MECR: variants seen among roughly 807,000 people sequenced by gnomAD.
The protein encoded by MECR is mitochondrial trans-2-enoyl-CoA reductase, also known as enoyl-[acyl-carrier-protein] reductase, mitochondrial.
MECR carries 37 observed loss-of-function variants against 49.1 expected under a neutral mutation model. The ratio of observed to expected loss-of-function variants is 0.75; its 90% CI spans 0.58 to 0.99. MECR has a LOEUF of 0.99. Among genes scored for constraint, MECR ranks in the 50% least tolerant of loss-of-function variants. The pLI, the probability that MECR is intolerant of heterozygous loss-of-function variation, is 0.00. For synonymous variants in MECR, 198 were observed against 191.1 expected, an observed-to-expected ratio of 1.04 and a Z score of -0.30; for missense variants, 470 against 479.6, an observed-to-expected ratio of 0.98 and a Z score of 0.19.
At chr1:29,180,345 T>C in the MECR span, among the ~76,000 whole-genome samples, 4 of 152,246 alleles carry the variant, frequency 2.6e-5, no homozygotes, top group Non-Finnish European at 4.4e-5. Flanking sequence ...CGTTTTACTG[T>C]AGAAAAGGAG....
At chr1:29,215,405 C>A (rs1679126218) in intron 3 of MECR, among the ~76,000 whole-genome samples, 1 of 152,036 alleles carries the variant, frequency 6.6e-6, no homozygotes. Context: ...TGATAAAACC[C>A]CCTCTTTACT....
chr1:29,198,933 A>G (rs1487304588), intron 7 of MECR, among the ~76,000 whole-genome samples: 2 of 151,602 alleles, frequency 1.3e-5, no homozygotes, highest in Non-Finnish European at 2.9e-5. Context: ...TCATTGTTTA[A>G]AAGTATAAAA....
At chr1:29,211,707 GCC>G (rs869191166) in intron 3 of MECR, among the ~76,000 whole-genome samples, 1 of 76,976 alleles carries the variant, frequency 1.3e-5, no homozygotes, top group Non-Finnish European at 4.0e-5. Flanking sequence ...AAGAGAACTT[GCC>G]CCCTGATTCC....
At chr1:29,175,161 C>A in the MECR span, among the ~76,000 whole-genome samples, 1 of 152,054 alleles carries the variant, frequency 6.6e-6, no homozygotes, top group Admixed American at 6.6e-5. Flanking sequence ...GTGGCTCACG[C>A]CTGTAATCCC....
downstream of MECR, among the ~76,000 whole-genome samples, chr1:29,190,733 G>A (rs746342931): frequency 2.7e-5 from 4 of 150,908 alleles, no homozygotes; most frequent in Admixed American, 1.3e-4. Context: ...AAATTGCAGT[G>A]AGCCGAGATT....
At chr1:29,206,521 G>C (rs1264673056) in intron 4 of MECR, among the ~76,000 whole-genome samples, 1 of 152,192 alleles carries the variant, frequency 6.6e-6, no homozygotes, top group African/African-American at 2.4e-5. Flanking sequence ...TCAATCCCAA[G>C]CTCTAGAGAA....
intron 1 of MECR, chr1:29,228,978 G>C (rs2151925867): frequency 6.6e-6 from 1 of 152,326 alleles, no homozygotes; most frequent in East Asian, 1.9e-4. Context: ...AAATGGAGGA[G>C]TGTTCATCAG....
At chr1:29,177,335 G>GC in the MECR span, among the ~76,000 whole-genome samples, 1 of 149,934 alleles carries the variant, frequency 6.7e-6, no homozygotes. Context: ...AGGCTGGAGT[G>GC]CAATGGCAGG....
chr1:29,222,150 G>C (rs1680919459), intron 1 of MECR, among the ~76,000 whole-genome samples: 1 of 152,194 alleles, frequency 6.6e-6, no homozygotes, highest in Non-Finnish European at 1.5e-5. Flanking sequence ...CTGGAGTGCT[G>C]TGGCACAATC....
the MECR span, among the ~76,000 whole-genome samples, chr1:29,186,037 G>C: frequency 6.6e-6 from 1 of 152,066 alleles, no homozygotes; most frequent in African/African-American, 2.4e-5. Flanking sequence ...AAAAATCCTA[G>C]CACTAAGCTT....
At chr1:29,223,158 A>G (rs2640470) in intron 1 of MECR, 868,983 of 985,310 alleles carry the variant, frequency 0.88, 384,853 homozygotes, top group Non-Finnish European at 0.9. Flanking sequence ...TCCTCCGTGA[A>G]TGTAATGGCG....
rs1675489077 is a variant in MECR at position 29,202,196 on chromosome 1, C to G, written c.654-151G>C. On this transcript the variant is annotated intron_variant, in intron 5 of 9. Coordinates refer to ENST00000263702, the MANE Select transcript of MECR (RefSeq NM_016011.5). ...GCCAGGCTTGAGCAGGGACCAGCCA[C>G]CTAATTTCATGCAGCTTCAATAGCT... The G allele has an allele frequency of 4.4e-6, 3 of 675,348 alleles. No individual in the cohort carries two copies. In the South Asian group the frequency reaches 5.3e-5, roughly 12 times the overall value. 41.8% of individuals were successfully genotyped at this position (675,348 alleles called of 1,614,324 possible).
chr1:29,219,446 C>CA (rs1319753817), intron 1 of MECR, among the ~76,000 whole-genome samples: 3 of 152,120 alleles, frequency 2.0e-5, no homozygotes, highest in African/African-American at 7.2e-5. Context: ...ACTCACCCTT[C>CA]AAGGCCCAGT....
chr1:29,196,197 CCA>C lies in MECR; in HGVS notation c.890_891del (p.Val297GlufsTer6), dbSNP rs1407096340. On this transcript the variant is annotated frameshift_variant and splice_region_variant, in exon 8 of 10. Transcript: ENST00000263702. LOFTEE classifies it high-confidence loss of function. Reference sequence around the variant, plus strand: ...CATGCCTCCCTCTGCACCCAGCTTACCACAGAGGCTACGACGGGCTGCTTGGC... The same window carrying C: ...CATGCCTCCCTCTGCACCCAGCTTACCAGAGGCTACGACGGGCTGCTTGGC... ...GMAKQPVVASVSLLIFKDLKL... is the reference protein window; with the variant it reads ...GMAKQPVVASXSLLIFKDLKL... 1 of 1,614,190 alleles carries C rather than the reference CCA, an allele frequency of 6.2e-7. No individual in the cohort carries two copies. The highest frequency in any genetic ancestry group is 1.3e-5 in the African/African-American group (1 of 75,046).
At chr1:29,224,699 G>C (rs1196375865) in intron 1 of MECR, 1 of 152,140 alleles carries the variant, frequency 6.6e-6, no homozygotes, top group Non-Finnish European at 1.5e-5. Context: ...TGCTGACCTT[G>C]GTCACTCTCT....
chr1:29,175,265 T>C, the MECR span, among the ~76,000 whole-genome samples: 1 of 151,380 alleles, frequency 6.6e-6, no homozygotes. Flanking sequence ...ATACAAAAAT[T>C]AGCCGGGGGT....
At chr1:29,171,703 A>C in the MECR span, 1 of 152,130 alleles carries the variant, frequency 6.6e-6, no homozygotes. Flanking sequence ...GCTCAAAGTA[A>C]AATTTGCGGT....
At position 29,201,322 on chromosome 1, in the gene MECR, T is replaced by G. The variant is rs759072241; in HGVS notation, c.756+621A>C. The G allele has an allele frequency of 3.3e-4, 172 of 514,286 alleles. 1 individual carries two copies. Among genetic ancestry groups the G allele is most frequent in the Admixed American group, 1.0e-3 (46 of 45,806 alleles). The allele number at this position is 514,286 out of a possible 1,614,324, so 31.9% of individuals were successfully genotyped here. On this transcript the variant is annotated intron_variant, in intron 6 of 9. Coordinates refer to ENST00000263702, the MANE Select transcript of MECR (RefSeq NM_016011.5). This position sits in a 1 kb window ranked among gnomAD's most constrained non-coding sequence, Gnocchi z 4.3. ...AGCGCATGCTCTTGAGTGTGTGTCT[T>G]TGGTTCCTCCAGATGGTTCAGTGAA...
intron 9 of MECR, among the ~76,000 whole-genome samples, chr1:29,195,173 G>C (rs2151841580): frequency 6.6e-6 from 1 of 152,208 alleles, no homozygotes; most frequent in Non-Finnish European, 1.5e-5. Context: ...GCCTTAATCA[G>C]GTTTATAAGG....
Sources: gnomAD v4.1 joint callset for allele counts (sites outside exome capture counted in the v4.1 genomes callset) on GRCh38, gnomAD v4.1.1 for gene constraint, Gnocchi (gnomAD v3.1) non-coding constraint, MANE v1.5 for transcripts, NCBI Gene and HGNC (gene_info 2026-07-23, HGNC 2026-07-21) for gene names.